GABRA2: variants seen among roughly 807,000 people sequenced by gnomAD.
GABRA2 encodes gamma-aminobutyric acid type A receptor subunit alpha2.
A neutral mutation model predicts 48.7 loss-of-function variants in GABRA2; 16 were observed. That is an observed-to-expected ratio of 0.33 (90% CI 0.22 to 0.50). The LOEUF (loss-of-function observed/expected upper bound fraction) is 0.50, where lower values mean the gene tolerates loss of function less well. Among genes scored for constraint, GABRA2 ranks in the 20% least tolerant of loss-of-function variants. The probability of loss-of-function intolerance (pLI) is 0.98; values close to 1 mark genes in which losing one functional copy is unlikely to be tolerated. For missense variants in GABRA2, 275 were observed against 535.6 expected, an observed-to-expected ratio of 0.51 and a Z score of 4.80; for synonymous variants, 185 against 184.5, an observed-to-expected ratio of 1.00 and a Z score of -0.02.
intron 2 of GABRA2, chr4:46,386,783 A>T (rs1717519304): frequency 6.5e-6 from 1 of 152,882 alleles, no homozygotes; most frequent in Admixed American, 6.5e-5. Flanking sequence ...GCCAGGCTCC[A>T]TGTAGCCAGG....
intron 8 of GABRA2, among the ~76,000 whole-genome samples, chr4:46,301,935 C>T (rs534142651): frequency 1.1e-4 from 16 of 152,204 alleles, no homozygotes; most frequent in African/African-American, 3.1e-4. Flanking sequence ...TGTTACAAAA[C>T]GTGCTTGGCC....
intron 4 of GABRA2, among the ~76,000 whole-genome samples, chr4:46,327,997 A>G: frequency 6.6e-6 from 1 of 152,026 alleles, no homozygotes; most frequent in East Asian, 1.9e-4. Context: ...CACAGTGAAA[A>G]TGTTTACTAA....
chr4:46,340,151 C>G (rs1560549887), intron 3 of GABRA2, among the ~76,000 whole-genome samples: 1 of 151,914 alleles, frequency 6.6e-6, no homozygotes, highest in African/African-American at 2.4e-5. Flanking sequence ...CTACCATCAT[C>G]TGTCTCTGGG....
intron 3 of GABRA2, among the ~76,000 whole-genome samples, chr4:46,360,846 G>C (rs961379813): frequency 1.3e-5 from 2 of 152,202 alleles, no homozygotes; most frequent in Non-Finnish European, 2.9e-5. Flanking sequence ...TGAGGAACTT[G>C]TTGGGAACTG....
At chr4:46,388,523 C>G in intron 2 of GABRA2, 113 bp downstream of exon 2, 1 of 1,315,922 alleles carries the variant, frequency 7.6e-7, no homozygotes, top group Non-Finnish European at 1.1e-6. Context: ...CATACACCCC[C>G]TTTTCTGAGA....
intron 8 of GABRA2, among the ~76,000 whole-genome samples, chr4:46,273,631 G>T (rs2109418738): frequency 6.6e-6 from 1 of 151,582 alleles, no homozygotes; most frequent in East Asian, 1.9e-4. Context: ...GAGTGAGAAG[G>T]TAAGAAAACA....
intron 8 of GABRA2, among the ~76,000 whole-genome samples, chr4:46,291,577 C>T (rs1005416872): frequency 2.0e-5 from 3 of 152,000 alleles, no homozygotes; most frequent in Admixed American, 1.3e-4. Context: ...GGCAGAAAAA[C>T]GTGAAAAGGC....
chr4:46,297,475 C>CCATATATATATA (rs1223961118), intron 8 of GABRA2, among the ~76,000 whole-genome samples: 1 of 35,610 alleles, frequency 2.8e-5, no homozygotes, highest in African/African-American at 1.3e-4. Flanking sequence ...TAATAAAATC[C>CCATATATATATA]CATATATATA....
At chr4:46,359,273 T>G (rs993952288) in intron 3 of GABRA2, among the ~76,000 whole-genome samples, 1 of 152,190 alleles carries the variant, frequency 6.6e-6, no homozygotes, top group East Asian at 1.9e-4. Context: ...CTACTTTCGT[T>G]GTAAAGTCTA....
At chr4:46,281,065 G>A (rs1560470389) in intron 8 of GABRA2, among the ~76,000 whole-genome samples, 1 of 152,148 alleles carries the variant, frequency 6.6e-6, no homozygotes, top group Non-Finnish European at 1.5e-5. Context: ...TTTAATAGCA[G>A]TCTGAGCAGG....
At chr4:46,356,757 T>C (rs140220555) in intron 3 of GABRA2, among the ~76,000 whole-genome samples, 530 of 152,276 alleles carry the variant, frequency 3.5e-3, no homozygotes, top group African/African-American at 0.012. Flanking sequence ...ATAACACTTA[T>C]TCCCCTCTTC....
chr4:46,357,928 G>T (rs1334511823), intron 3 of GABRA2, among the ~76,000 whole-genome samples: 1 of 151,916 alleles, frequency 6.6e-6, no homozygotes, highest in Non-Finnish European at 1.5e-5. Flanking sequence ...AAAGTTCTGG[G>T]ATTACAGGTG....
intron 3 of GABRA2, among the ~76,000 whole-genome samples, chr4:46,339,200 C>T (rs1732780216): frequency 6.6e-6 from 1 of 151,516 alleles, no homozygotes; most frequent in African/African-American, 2.4e-5. Context: ...ACACATGTGG[C>T]CATTTAAATT....
At chr4:46,379,531 C>T (rs1337565148) in intron 3 of GABRA2, among the ~76,000 whole-genome samples, 1 of 152,206 alleles carries the variant, frequency 6.6e-6, no homozygotes, top group Non-Finnish European at 1.5e-5. Context: ...TAATAAAATG[C>T]AGTGTTCCCT....
At chr4:46,343,224 C>G (rs1733596101) in intron 3 of GABRA2, among the ~76,000 whole-genome samples, 1 of 151,882 alleles carries the variant, frequency 6.6e-6, no homozygotes, top group Admixed American at 6.6e-5. Flanking sequence ...TTACATATTG[C>G]ATACATATTT....
intron 8 of GABRA2, among the ~76,000 whole-genome samples, chr4:46,301,048 C>A (rs1343958114): frequency 1.3e-5 from 2 of 152,052 alleles, no homozygotes; most frequent in Non-Finnish European, 2.9e-5. Context: ...TGGAGATCTA[C>A]TATATAGCAT....
At chr4:46,360,976 T>C (rs553639915) in intron 3 of GABRA2, among the ~76,000 whole-genome samples, 24 of 152,260 alleles carry the variant, frequency 1.6e-4, no homozygotes, top group Admixed American at 1.6e-3. Flanking sequence ...GCAGAAGAAA[T>C]TTCTAAGCAG....
chr4:46,378,823 G>C (rs1382796304), intron 3 of GABRA2, among the ~76,000 whole-genome samples: 4 of 137,966 alleles, frequency 2.9e-5, no homozygotes, highest in African/African-American at 1.1e-4. Context: ...GCAAGATTCT[G>C]CCTCAAAAAA....
At chr4:46,382,505 C>T (rs1232023919) in intron 3 of GABRA2, among the ~76,000 whole-genome samples, 12 of 152,004 alleles carry the variant, frequency 7.9e-5, no homozygotes. Flanking sequence ...CAGGGCCTTG[C>T]AGGTCACCAC....
Sources: gnomAD v4.1 joint callset for allele counts (sites outside exome capture counted in the v4.1 genomes callset) on GRCh38, gnomAD v4.1.1 for gene constraint, MANE v1.5 for transcripts, NCBI Gene and HGNC (gene_info 2026-07-23, HGNC 2026-07-21) for gene names.